DAAM1: variants seen among roughly 807,000 people sequenced by gnomAD.
The protein encoded by DAAM1 is disheveled-associated activator of morphogenesis 1.
A neutral mutation model predicts 130.0 loss-of-function variants in DAAM1; 52 were observed. The ratio of observed to expected loss-of-function variants is 0.40; its 90% CI spans 0.32 to 0.50. The LOEUF is 0.50. DAAM1 is among the 20% of genes least tolerant of loss of function. DAAM1 has a pLI of 0.61. For synonymous variants in DAAM1, 452 were observed against 444.5 expected, an observed-to-expected ratio of 1.02 and a Z score of -0.21; for missense variants, 1,134 against 1,303.8, an observed-to-expected ratio of 0.87 and a Z score of 2.01.
chr14:59,307,157 T>A (rs1884409211), intron 3 of DAAM1, among the ~76,000 whole-genome samples: 1 of 152,242 alleles, frequency 6.6e-6, no homozygotes, highest in Non-Finnish European at 1.5e-5. Context: ...TATAGCACTC[T>A]TAAGAGTCAT....
chr14:59,223,258 G>A (rs1888833427), intron 1 of DAAM1, among the ~76,000 whole-genome samples: 1 of 152,198 alleles, frequency 6.6e-6, no homozygotes, highest in South Asian at 2.1e-4. Flanking sequence ...ATGATGGAGT[G>A]CTGCTGTGCA....
rs1412088986 is a variant in DAAM1, at chr14:59,370,331, T to C, written c.*1472T>C. 1 of 151,972 alleles carries C rather than the reference T, an allele frequency of 6.6e-6. No homozygotes were observed. The highest frequency in any genetic ancestry group is 2.4e-5 in the African/African-American group (1 of 41,390). The allele number at this position is 151,972 out of a possible 1,614,324, so 9.4% of individuals were successfully genotyped here. ...GTTTTTCAGTCAATTAACAAATATT[T>C]ATTAAGTTCCTACTATGTACCAGGC... On this transcript the variant is annotated 3_prime_UTR_variant, in exon 25 of 25. Transcript: ENST00000360909.
intron 1 of DAAM1, among the ~76,000 whole-genome samples, chr14:59,208,499 C>T (rs1888330077): frequency 6.6e-6 from 1 of 152,192 alleles, no homozygotes; most frequent in Admixed American, 6.5e-5. Flanking sequence ...ACATGCATCC[C>T]TTCCTAAAAA....
chr14:59,342,118 A>C (rs1885871641), intron 16 of DAAM1, among the ~76,000 whole-genome samples: 1 of 152,226 alleles, frequency 6.6e-6, no homozygotes, highest in Admixed American at 6.5e-5. Context: ...TAGAACTTGA[A>C]TGTATCTAAA....
chr14:59,242,367 A>T lies in DAAM1; in HGVS notation c.-37-21074A>T, dbSNP rs541081332. 1.8e-4 allele frequency among the ~76,000 whole-genome samples: 27 copies of T among 152,164 alleles called. No homozygotes were observed. In the South Asian group the frequency reaches 5.4e-3, roughly 30 times the overall value. ...CAGGGGTAGAATAATAATAATAGTA[A>T]CAACAACAACAACAGACATGGGCAC... On this transcript the variant is annotated intron_variant, in intron 1 of 24. Transcript: ENST00000360909.
At chr14:59,360,962 G>A (rs895914202) in intron 22 of DAAM1, 100 bp downstream of exon 22, 17 of 941,388 alleles carry the variant, frequency 1.8e-5, no homozygotes, top group East Asian at 8.1e-5. Context: ...TGGTATGCCC[G>A]GGATAAACAT....
intron 3 of DAAM1, chr14:59,299,714 T>TAAA (rs1242472473): frequency 6.6e-6 from 1 of 152,022 alleles, no homozygotes; most frequent in African/African-American, 2.4e-5. Context: ...CAGAAGCTGG[T>TAAA]AAAAGGAGGA....
At chr14:59,192,501 G>A (rs988753136) in intron 1 of DAAM1, among the ~76,000 whole-genome samples, 4 of 152,154 alleles carry the variant, frequency 2.6e-5, no homozygotes, top group Non-Finnish European at 5.9e-5. Context: ...CCGTGCTCTG[G>A]TATTTCCAGT....
intron 1 of DAAM1, among the ~76,000 whole-genome samples, chr14:59,232,886 T>C (rs1234810669): frequency 6.6e-6 from 1 of 152,042 alleles, no homozygotes; most frequent in Non-Finnish European, 1.5e-5. Context: ...AGTGAGAACA[T>C]GTGGTGTTTG....
chr14:59,338,699 G>C (rs1885727262), intron 15 of DAAM1, among the ~76,000 whole-genome samples: 1 of 151,218 alleles, frequency 6.6e-6, no homozygotes, highest in Non-Finnish European at 1.5e-5. Flanking sequence ...GAGTTCTTTG[G>C]TTTCTTTACT....
chr14:59,206,467 G>A (rs1466746476), intron 1 of DAAM1, among the ~76,000 whole-genome samples: 1 of 152,102 alleles, frequency 6.6e-6, no homozygotes, highest in Admixed American at 6.5e-5. Context: ...AATAGAGACA[G>A]GGTTTTACCG....
chr14:59,321,708 C>G (rs1343999201), intron 5 of DAAM1, among the ~76,000 whole-genome samples: 1 of 152,200 alleles, frequency 6.6e-6, no homozygotes, highest in Non-Finnish European at 1.5e-5. Flanking sequence ...TAAAGATTCC[C>G]TTTCTTTATT....
intron 17 of DAAM1, among the ~76,000 whole-genome samples, chr14:59,349,683 A>C (rs146347330): frequency 2.3e-4 from 35 of 152,270 alleles, no homozygotes; most frequent in African/African-American, 7.2e-4. Flanking sequence ...GATGAGAGAG[A>C]GAGCTATACG....
intron 17 of DAAM1, among the ~76,000 whole-genome samples, chr14:59,348,579 AG>A (rs1886169732): frequency 6.6e-6 from 1 of 152,196 alleles, no homozygotes; most frequent in Admixed American, 6.5e-5. Flanking sequence ...TGTTAGAGCC[AG>A]GTCTACCTAA....
intron 13 of DAAM1, 74 bp from the exon 14 acceptor site, chr14:59,331,135 G>A (rs771953204): frequency 1.3e-6 from 2 of 1,559,932 alleles, no homozygotes; most frequent in Non-Finnish European, 8.7e-7. Flanking sequence ...TTTAGGCCAA[G>A]TTACAGACTC....
intron 3 of DAAM1, among the ~76,000 whole-genome samples, chr14:59,311,656 AT>A: frequency 6.6e-6 from 1 of 151,976 alleles, no homozygotes; most frequent in East Asian, 1.9e-4. Flanking sequence ...GTGTATACAT[AT>A]TTTTCCCTAC....
chr14:59,292,340 A>G (rs1394358898), intron 3 of DAAM1, among the ~76,000 whole-genome samples: 1 of 152,310 alleles, frequency 6.6e-6, no homozygotes, highest in East Asian at 1.9e-4. Flanking sequence ...GGTGAAACCA[A>G]TATGCAGCTT....
intron 2 of DAAM1, among the ~76,000 whole-genome samples, chr14:59,270,113 T>G (rs1024582892): frequency 6.6e-6 from 1 of 152,202 alleles, no homozygotes; most frequent in Non-Finnish European, 1.5e-5. Flanking sequence ...TTCTGTTCAG[T>G]ATTTGTGAGG....
intron 1 of DAAM1, among the ~76,000 whole-genome samples, chr14:59,208,121 T>G (rs528868094): frequency 6.6e-6 from 1 of 152,358 alleles, no homozygotes; most frequent in South Asian, 2.1e-4. Context: ...ATTTTTCATG[T>G]AATTAAAACT....
Sources: gnomAD v4.1 joint callset for allele counts (sites outside exome capture counted in the v4.1 genomes callset) on GRCh38, gnomAD v4.1.1 for gene constraint, MANE v1.5 for transcripts, NCBI Gene and HGNC (gene_info 2026-07-23, HGNC 2026-07-21) for gene names.